Variants in PCBP3 observed in about 807,000 individuals in gnomAD.
The protein encoded by PCBP3 is poly(rC)-binding protein 3.
PCBP3 carries 25 observed loss-of-function variants against 52.7 expected under a neutral mutation model. The ratio of observed to expected loss-of-function variants is 0.47; its 90% CI spans 0.35 to 0.66. PCBP3 has a LOEUF of 0.66. Among genes scored for constraint, PCBP3 ranks in the 30% least tolerant of loss-of-function variants. The pLI is 0.01. For synonymous variants in PCBP3, 162 were observed against 183.0 expected, an observed-to-expected ratio of 0.89 and a Z score of 0.93; for missense variants, 391 against 490.3, an observed-to-expected ratio of 0.80 and a Z score of 1.91.
chr21:45,930,687 G>A, intron 14 of PCBP3, 99 bp from the exon 15 acceptor site: 1 of 644,442 alleles, frequency 1.6e-6, no homozygotes, highest in Non-Finnish European at 2.9e-6. Flanking sequence ...GAGAGCGCCG[G>A]TGCGTGCGCC....
chr21:45,935,844 C>T (rs1235172252), intron 16 of PCBP3, among the ~76,000 whole-genome samples: 1 of 152,238 alleles, frequency 6.6e-6, no homozygotes, highest in South Asian at 2.1e-4. Flanking sequence ...TACGAGCTCC[C>T]CTCAACACAC....
At chr21:45,893,629 TG>T in intron 5 of PCBP3, 1 of 368,044 alleles carries the variant, frequency 2.7e-6, no homozygotes, top group Non-Finnish European at 3.1e-6. Context: ...ATGAGGTGGG[TG>T]GGGACCCAGG....
chr21:45,790,543 C>T (rs750050266), intron 4 of PCBP3, among the ~76,000 whole-genome samples: 1 of 152,036 alleles, frequency 6.6e-6, no homozygotes, highest in Admixed American at 6.6e-5. Flanking sequence ...ATGGGTCATC[C>T]GGGGGCGTCT....
chr21:45,870,679 G>T (rs1241475759), intron 5 of PCBP3, among the ~76,000 whole-genome samples: 5 of 152,214 alleles, frequency 3.3e-5, no homozygotes, highest in African/African-American at 4.8e-5. Flanking sequence ...GGACCAGAGG[G>T]TCCAAACCCT....
intron 4 of PCBP3, among the ~76,000 whole-genome samples, chr21:45,809,594 A>G (rs1242258540): frequency 6.6e-6 from 1 of 152,224 alleles, no homozygotes; most frequent in Non-Finnish European, 1.5e-5. Flanking sequence ...TGATCTGAGC[A>G]GGGCTTGACT....
chr21:45,688,126 A>G (rs1186319227), intron 2 of PCBP3, among the ~76,000 whole-genome samples: 2 of 152,236 alleles, frequency 1.3e-5, no homozygotes, highest in African/African-American at 2.4e-5. Flanking sequence ...TACATGAAAC[A>G]GAATTAAAAG....
chr21:45,894,411 G>A lies in PCBP3; in HGVS notation c.11-1797G>A, dbSNP rs78938738. ...CACAGAGCTCCAGACCAGCCACACC[G>A]AGATGCAGTCCATGTGTGCGGGTCC... On this transcript the variant is annotated intron_variant, in intron 5 of 17. Transcript: ENST00000681687. 4.4e-3 allele frequency among the ~76,000 whole-genome samples: 674 copies of A among 152,304 alleles called. 5 individuals carry two copies. The highest frequency in any genetic ancestry group is 0.016 in the African/African-American group (648 of 41,556).
chr21:45,753,827 C>G (rs2146392097), intron 3 of PCBP3, among the ~76,000 whole-genome samples: 1 of 152,158 alleles, frequency 6.6e-6, no homozygotes, highest in East Asian at 1.9e-4. Flanking sequence ...TCTCTCCTGA[C>G]TTGAATGGCA....
intron 6 of PCBP3, among the ~76,000 whole-genome samples, chr21:45,896,992 A>G (rs55849885): frequency 2.8e-5 from 4 of 145,342 alleles, no homozygotes; most frequent in East Asian, 4.1e-4. Context: ...AAAGGCGGAC[A>G]TGGCACATAG....
chr21:45,930,798 C>T lies in PCBP3; in HGVS notation c.809C>T (p.Pro270Leu). ...TNPAFPGEKL[P>L]LHSSEEAQNL... The stretch of plus-strand genomic sequence containing the variant: ...CTTTGCTCTCCAGGAGAAAAGCTGC[C>T]TTTACACTCCTCCGAAGAAGCTCAA... Residue 270 changes from proline (P) to leucine (L), a missense_variant, in exon 15 of 18, where the codon CCT becomes CTT. Coordinates refer to ENST00000681687, the MANE Select transcript of PCBP3 (RefSeq NM_001384156.1). 1 of 1,442,916 alleles carries T rather than the reference C, an allele frequency of 6.9e-7. No homozygotes were observed. Among genetic ancestry groups the T allele is most frequent in the Non-Finnish European group, 9.8e-7 (1 of 1,023,730 alleles). 89.4% of individuals were successfully genotyped at this position (1,442,916 alleles called of 1,614,324 possible). A position where few individuals can be genotyped will look rare whatever the true frequency, so the allele number is the denominator to read the frequency against.
At chr21:45,934,709 G>T (rs1197548359) in intron 15 of PCBP3, among the ~76,000 whole-genome samples, 1 of 152,220 alleles carries the variant, frequency 6.6e-6, no homozygotes, top group Non-Finnish European at 1.5e-5. Flanking sequence ...AACTTTGCAT[G>T]CTCTGCCATC....
At chr21:45,862,947 G>C (rs1289222963) in intron 5 of PCBP3, among the ~76,000 whole-genome samples, 1 of 152,188 alleles carries the variant, frequency 6.6e-6, no homozygotes, top group African/African-American at 2.4e-5. Flanking sequence ...TTGATGGGTG[G>C]AGCAGTGTGC....
At chr21:45,665,037 AT>A in intron 1 of PCBP3, among the ~76,000 whole-genome samples, 1 of 151,742 alleles carries the variant, frequency 6.6e-6, no homozygotes, top group Non-Finnish European at 1.5e-5. Flanking sequence ...GTATTTTATT[AT>A]TTTTTTGTAG....
At chr21:45,707,135 C>G (rs1335101243) in intron 2 of PCBP3, among the ~76,000 whole-genome samples, 3 of 152,050 alleles carry the variant, frequency 2.0e-5, no homozygotes, top group Non-Finnish European at 4.4e-5. Context: ...CTGATAGAAG[C>G]CTTGAAATTG....
chr21:45,702,424 C>A (rs1290875433), intron 2 of PCBP3, among the ~76,000 whole-genome samples: 1 of 152,152 alleles, frequency 6.6e-6, no homozygotes, highest in African/African-American at 2.4e-5. Context: ...GGAGCTATTG[C>A]AGGTTATGTT....
At position 45,685,287 on chromosome 21, in the gene PCBP3, C is replaced by T. The variant is rs963061119; in HGVS notation, c.-200+16335C>T. Among the ~76,000 whole-genome samples, 3 of 152,234 alleles carry T rather than the reference C, an allele frequency of 2.0e-5. 1 individual carries two copies. On this transcript the variant is annotated intron_variant, in intron 2 of 17. Transcript: ENST00000681687. ...TTATTGTTTAATGGATACAGAGTTT[C>T]AGTTTTGCAAGATGAAAACAGTTGT... is the stretch of plus-strand genomic sequence containing the variant.
At chr21:45,681,613 A>G (rs539237377) in intron 2 of PCBP3, among the ~76,000 whole-genome samples, 1 of 152,316 alleles carries the variant, frequency 6.6e-6, no homozygotes, top group African/African-American at 2.4e-5. Context: ...CATAAGCTGA[A>G]CCATTGTAAG....
chr21:45,756,147 C>G (rs1377380301), intron 4 of PCBP3, among the ~76,000 whole-genome samples: 1 of 152,216 alleles, frequency 6.6e-6, no homozygotes, highest in African/African-American at 2.4e-5. Flanking sequence ...TTGAGGTTCA[C>G]TTTCCCCCAG....
intron 11 of PCBP3, among the ~76,000 whole-genome samples, chr21:45,913,036 G>C (rs2096431617): frequency 6.6e-6 from 1 of 152,126 alleles, no homozygotes; most frequent in African/African-American, 2.4e-5. Context: ...GCCAGGAACG[G>C]CTCATGGGCT....
Sources: allele counts gnomAD v4.1 joint callset (sites outside exome capture counted in the v4.1 genomes callset), GRCh38; gene constraint gnomAD v4.1.1; transcripts MANE v1.5; gene names NCBI Gene and HGNC (gene_info 2026-07-23, HGNC 2026-07-21).